MTMR2: variants seen among roughly 807,000 people sequenced by gnomAD.
MTMR2 encodes myotubularin related protein 2.
MTMR2 carries 55 observed loss-of-function variants against 86.9 expected under a neutral mutation model. That is an observed-to-expected ratio of 0.63 (90% CI 0.51 to 0.79). The LOEUF is 0.79. MTMR2 is among the 30% of genes least tolerant of loss of function. The pLI, the probability that MTMR2 is intolerant of heterozygous loss-of-function variation, is 0.00. For synonymous variants in MTMR2, 241 were observed against 266.8 expected (o/e 0.90, Z 0.94); for missense variants, 659 against 772.3 (o/e 0.85, Z 1.74).
At chr11:95,922,840 T>C (rs901972561) in intron 1 of MTMR2, among the ~76,000 whole-genome samples, 1 of 152,168 alleles carries the variant, frequency 6.6e-6, no homozygotes, top group African/African-American at 2.4e-5. Flanking sequence ...ACTACCCATA[T>C]TTAGCAGAAT....
chr11:95,845,682 T>G (rs577088323), intron 10 of MTMR2, among the ~76,000 whole-genome samples: 31 of 145,276 alleles, frequency 2.1e-4, no homozygotes, highest in African/African-American at 7.5e-4. Context: ...GTATAAACTT[T>G]AGAGTGAGCT....
intron 1 of MTMR2, among the ~76,000 whole-genome samples, chr11:95,912,773 C>T (rs1866558072): frequency 6.6e-6 from 1 of 151,910 alleles, no homozygotes; most frequent in Non-Finnish European, 1.5e-5. Flanking sequence ...TTTAAAGTTT[C>T]TGGCTTGGTA....
rs1864474489 is a variant in MTMR2 at position 95,862,829 on chromosome 11, T to C, written c.263-463A>G. ...AATGCAATGTCCAAAACATATGTTA[T>C]TCCACAAACTCCTGATCTGATTAAT... On this transcript the variant is annotated intron_variant, in intron 3 of 14. Coordinates refer to ENST00000346299, the MANE Select transcript of MTMR2 (RefSeq NM_016156.6). Among the ~76,000 whole-genome samples, 3 of 152,324 alleles carry C rather than the reference T, an allele frequency of 2.0e-5. 1 individual carries two copies. In the South Asian group the frequency reaches 6.2e-4, roughly 32 times the overall value.
chr11:95,875,241 C>T (rs962665331), intron 2 of MTMR2, among the ~76,000 whole-genome samples: 2 of 152,152 alleles, frequency 1.3e-5, no homozygotes, highest in African/African-American at 4.8e-5. Context: ...ACCAATCAGA[C>T]ATAGATTTGG....
intron 2 of MTMR2, among the ~76,000 whole-genome samples, chr11:95,882,804 G>T (rs1488447835): frequency 6.8e-6 from 1 of 146,614 alleles, no homozygotes; most frequent in African/African-American, 2.5e-5. Flanking sequence ...CTCACTGCCA[G>T]CTCCGCCTCC....
intron 10 of MTMR2, 86 bp downstream of exon 10, chr11:95,847,628 A>C: frequency 1.7e-6 from 2 of 1,198,702 alleles, no homozygotes; most frequent in Non-Finnish European, 2.5e-6. Context: ...AGGTACCTTC[A>C]TGTTGATTGC....
At chr11:95,902,370 C>T (rs528765824) in intron 1 of MTMR2, among the ~76,000 whole-genome samples, 34 of 152,262 alleles carry the variant, frequency 2.2e-4, no homozygotes, top group African/African-American at 7.7e-4. Context: ...TCTCCAATAC[C>T]ATTAGCAAAA....
intron 12 of MTMR2, among the ~76,000 whole-genome samples, chr11:95,839,704 T>C (rs1041611582): frequency 6.6e-6 from 1 of 152,206 alleles, no homozygotes; most frequent in African/African-American, 2.4e-5. Flanking sequence ...AGAATCTGGC[T>C]GTCATAACAT....
intron 2 of MTMR2, among the ~76,000 whole-genome samples, chr11:95,868,654 C>T (rs545670120): frequency 6.6e-6 from 1 of 151,934 alleles, no homozygotes; most frequent in African/African-American, 2.4e-5. Context: ...GAAGAGTTTA[C>T]CATGTTCCAC....
chr11:95,856,745 T>A (rs1327923963), intron 7 of MTMR2, among the ~76,000 whole-genome samples: 1 of 152,020 alleles, frequency 6.6e-6, no homozygotes, highest in Non-Finnish European at 1.5e-5. Flanking sequence ...GACACCTGCT[T>A]TCCAAAGTTC....
In MTMR2 at chr11:95,833,359, G is replaced by A. The variant is rs572217867; in HGVS notation, c.*1931C>T. On this transcript the variant is annotated 3_prime_UTR_variant, in exon 15 of 15. Coordinates refer to ENST00000346299, the MANE Select transcript of MTMR2 (RefSeq NM_016156.6). ...CCTGCACAACCAATAGACATACAAA[G>A]TTATGAAACATGTAACTGTCAATTC... The A allele has an allele frequency of 3.3e-5, 5 of 152,172 alleles. No homozygotes were observed. The highest frequency in any genetic ancestry group is 7.4e-5 in the Non-Finnish European group (5 of 67,988). The allele number at this position is 152,172 out of a possible 1,614,324, so 9.4% of individuals were successfully genotyped here. A position where few individuals can be genotyped will look rare whatever the true frequency, so the allele number is the denominator to read the frequency against.
chr11:95,871,234 A>T (rs1190427429), intron 2 of MTMR2, among the ~76,000 whole-genome samples: 3 of 152,140 alleles, frequency 2.0e-5, no homozygotes, highest in Admixed American at 6.6e-5. Flanking sequence ...GTGATTTATA[A>T]TCCCTTGGGT....
At chr11:95,870,818 G>T (rs1421813957) in intron 2 of MTMR2, among the ~76,000 whole-genome samples, 1 of 146,344 alleles carries the variant, frequency 6.8e-6, no homozygotes. Flanking sequence ...CATGTGCCAT[G>T]TTAGTGTGTT....
At chr11:95,854,323 G>A (rs1323681854) in intron 7 of MTMR2, among the ~76,000 whole-genome samples, 1 of 152,120 alleles carries the variant, frequency 6.6e-6, no homozygotes, top group Non-Finnish European at 1.5e-5. Flanking sequence ...CAAACTGAAA[G>A]GACCATGGCT....
chr11:95,888,067 A>G lies in MTMR2; in HGVS notation c.186+89T>C, dbSNP rs1026633376. ...GGATCTATGAGAATACTCCATCAGT[A>G]TCTCCTGCTAAATTAGTTATATTGA... On this transcript the variant is annotated intron_variant, in intron 2 of 14. Coordinates refer to ENST00000346299, the MANE Select transcript of MTMR2 (RefSeq NM_016156.6). 16 of 958,826 alleles carry G rather than the reference A, an allele frequency of 1.7e-5. No individual in the cohort carries two copies. In the African/African-American group the frequency reaches 2.6e-4, roughly 16 times the overall value. 59.4% of individuals were successfully genotyped at this position (958,826 alleles called of 1,614,324 possible).
chr11:95,843,649 G>A (rs1452602616), intron 11 of MTMR2, among the ~76,000 whole-genome samples: 1 of 152,042 alleles, frequency 6.6e-6, no homozygotes, highest in African/African-American at 2.4e-5. Context: ...GGTAAAAATA[G>A]ATATAAAATT....
intron 1 of MTMR2, among the ~76,000 whole-genome samples, chr11:95,910,672 G>A (rs1299482207): frequency 6.6e-6 from 1 of 152,002 alleles, no homozygotes; most frequent in South Asian, 2.1e-4. Context: ...AAAAGAAAAG[G>A]TTCTTTTTAA....
At chr11:95,916,098 C>T (rs192979801) in intron 1 of MTMR2, among the ~76,000 whole-genome samples, 7 of 152,252 alleles carry the variant, frequency 4.6e-5, no homozygotes, top group Admixed American at 3.9e-4. Context: ...TTTTGGTCAT[C>T]GCATTTGCAG....
rs76340419 is a variant in MTMR2 at position 95,856,819 on chromosome 11, A to G, written c.654+733T>C. 6.2e-3 allele frequency among the ~76,000 whole-genome samples: 941 copies of G among 152,244 alleles called. 15 individuals carry two copies. Among genetic ancestry groups the G allele is most frequent in the African/African-American group, 0.021 (881 of 41,560 alleles). On this transcript the variant is annotated intron_variant, in intron 7 of 14. Coordinates refer to ENST00000346299, the MANE Select transcript of MTMR2 (RefSeq NM_016156.6). The stretch of plus-strand genomic sequence containing the variant: ...TTCTCAAAGAGTAGTCCTCATTTTT[A>G]TAATTTCTAAAGACACCTGCTAGAC...
Sources: allele counts gnomAD v4.1 joint callset (sites outside exome capture counted in the v4.1 genomes callset), GRCh38; gene constraint gnomAD v4.1.1; transcripts MANE v1.5; gene names NCBI Gene and HGNC (gene_info 2026-07-23, HGNC 2026-07-21).